The following IL1RAP variants were observed in gnomAD, a reference collection of about 807,000 sequenced individuals.
The protein encoded by IL1RAP is interleukin-1 receptor accessory protein.
In IL1RAP, 35 loss-of-function variants were observed where a neutral mutation model predicts 60.7. That is an observed-to-expected ratio of 0.58 (90% confidence interval 0.44 to 0.76). The LOEUF (loss-of-function observed/expected upper bound fraction) is 0.76. IL1RAP is among the 30% of genes least tolerant of loss of function. The pLI is 0.00. For missense variants in IL1RAP, 572 were observed against 693.9 expected (o/e 0.82, Z 1.97); for synonymous variants, 268 against 250.9 (o/e 1.07, Z -0.64).
intron 1 of IL1RAP, among the ~76,000 whole-genome samples, chr3:190,519,317 C>A (rs774727483): frequency 6.6e-6 from 1 of 152,120 alleles, no homozygotes; most frequent in African/African-American, 2.4e-5. Context: ...TCTGAACAAA[C>A]AAAGATGAGC....
chr3:190,554,659 A>G (rs548852005), intron 1 of IL1RAP: 102 of 152,210 alleles, frequency 6.7e-4, no homozygotes, highest in African/African-American at 2.4e-3. Context: ...TCAGCACAGG[A>G]CATGATAATT....
chr3:190,531,316 C>A (rs1722968631), intron 1 of IL1RAP, among the ~76,000 whole-genome samples: 1 of 152,138 alleles, frequency 6.6e-6, no homozygotes, highest in South Asian at 2.1e-4. Flanking sequence ...CTTTAAAGAT[C>A]TCTTTCCACC....
At chr3:190,587,919 C>T (rs1017735533) in intron 3 of IL1RAP, among the ~76,000 whole-genome samples, 3 of 152,130 alleles carry the variant, frequency 2.0e-5, no homozygotes, top group Non-Finnish European at 4.4e-5. Context: ...TCCTCTATAT[C>T]TGGGATCAAA....
At chr3:190,655,557 C>CTGTGTGTGTGTG (rs1734586545), downstream of IL1RAP, among the ~76,000 whole-genome samples, 1 of 102,532 alleles carries the variant, frequency 9.8e-6, no homozygotes, top group African/African-American at 3.8e-5. Flanking sequence ...CAATTGCCCA[C>CTGTGTGTGTGTG]CGTGTGTGTG....
Position 190,648,412 on chromosome 3 carries a change from C to T in IL1RAP, c.1420C>T (p.Leu474Phe), listed in dbSNP as rs2108865131. 6.2e-7 allele frequency: 1 copy of T among 1,613,994 alleles called. No individual in the cohort carries two copies. Among genetic ancestry groups the T allele is most frequent in the African/African-American group, 1.3e-5 (1 of 75,040 alleles). The change falls in exon 12 of 12, where the codon CTC becomes TTC. Residue 474 changes from leucine to phenylalanine, a missense_variant. Leu to Phe is a conservative substitution (Grantham distance 22, BLOSUM62 0). Coordinates refer to ENST00000447382, the MANE Select transcript of IL1RAP (RefSeq NM_002182.4). ...LLVVLSPNYV[L>F]QGTQALLELK... ...GGTTGTTCTAAGCCCCAACTACGTG[C>T]TCCAGGGAACCCAAGCCCTCCTGGA...
rs1734183222 is a variant in IL1RAP, at chr3:190,648,337, G to A, written c.1346-1G>A. 1 of 1,573,696 alleles carries A rather than the reference G, an allele frequency of 6.4e-7. No individual in the cohort carries two copies. Among genetic ancestry groups the A allele is most frequent in the Non-Finnish European group, 8.6e-7 (1 of 1,166,926 alleles). Reference sequence around the variant, plus strand: ...ATCCCCATGGTTGTTTTCTTTCCCAGTTGTCACAGATGAGACTTTGAGCTT... The same window carrying A: ...ATCCCCATGGTTGTTTTCTTTCCCAATTGTCACAGATGAGACTTTGAGCTT... On this transcript the variant is annotated splice_acceptor_variant, in intron 11 of 11. Coordinates refer to ENST00000447382, the MANE Select transcript of IL1RAP (RefSeq NM_002182.4). LOFTEE classifies it high-confidence loss of function.
chr3:190,591,078 G>A (rs1297600106), intron 3 of IL1RAP, among the ~76,000 whole-genome samples: 1 of 152,150 alleles, frequency 6.6e-6, no homozygotes, highest in African/African-American at 2.4e-5. Flanking sequence ...TTTGTCACAG[G>A]TGAATCTCCA....
intron 3 of IL1RAP, among the ~76,000 whole-genome samples, chr3:190,570,417 T>C (rs1421989503): frequency 1.3e-5 from 2 of 152,206 alleles, no homozygotes; most frequent in Non-Finnish European, 2.9e-5. Flanking sequence ...CCTTCTACCA[T>C]AGGAACCAAA....
intron 1 of IL1RAP, among the ~76,000 whole-genome samples, chr3:190,529,718 G>A (rs1283644974): frequency 6.6e-6 from 1 of 151,068 alleles, no homozygotes; most frequent in Non-Finnish European, 1.5e-5. Context: ...GCCGGGCGTG[G>A]TGGCAGTCAC....
At chr3:190,548,891 A>G (rs1292615720) in intron 1 of IL1RAP, among the ~76,000 whole-genome samples, 7 of 152,126 alleles carry the variant, frequency 4.6e-5, no homozygotes, top group Non-Finnish European at 8.8e-5. Context: ...TTGATTTGGG[A>G]ATTATGGCTT....
At chr3:190,648,313 T>C in intron 11 of IL1RAP, 25 bp from the exon 12 acceptor site, 1 of 1,549,924 alleles carries the variant, frequency 6.5e-7, no homozygotes, top group Non-Finnish European at 8.7e-7. Flanking sequence ...CCAACACTAA[T>C]CCCCATGGTT....
chr3:190,612,756 A>T (rs752579238), intron 5 of IL1RAP, among the ~76,000 whole-genome samples: 3 of 152,164 alleles, frequency 2.0e-5, no homozygotes, highest in Admixed American at 1.3e-4. Context: ...TATCACTTTC[A>T]CATTATCATA....
rs1734219551 is a variant in IL1RAP, at chr3:190,648,768, C to A, written c.*63C>A. The A allele has an allele frequency of 6.5e-7, 1 of 1,529,688 alleles. No homozygotes were observed. The highest frequency in any genetic ancestry group is 8.8e-7 in the Non-Finnish European group (1 of 1,142,600). The allele number at this position is 1,529,688 out of a possible 1,614,324, so 94.8% of individuals were successfully genotyped here. A position where few individuals can be genotyped will look rare whatever the true frequency, so the allele number is the denominator to read the frequency against. On this transcript the variant is annotated 3_prime_UTR_variant, in exon 12 of 12. Coordinates refer to ENST00000447382, the MANE Select transcript of IL1RAP (RefSeq NM_002182.4). ...TCCAGGAAGAAAGAGTCCCCCCAGT[C>A]TTCATTCGCAGTTTATGGTTTCATA... is the stretch of plus-strand genomic sequence containing the variant.
At chr3:190,577,225 A>ATTCAT (rs1487798155) in intron 3 of IL1RAP, among the ~76,000 whole-genome samples, 2 of 152,126 alleles carry the variant, frequency 1.3e-5, no homozygotes, top group Non-Finnish European at 2.9e-5. Context: ...AATATGATGG[A>ATTCAT]TTCATTTATG....
At chr3:190,569,447 A>G (rs1251256560) in intron 3 of IL1RAP, among the ~76,000 whole-genome samples, 2 of 152,154 alleles carry the variant, frequency 1.3e-5, no homozygotes, top group Admixed American at 6.5e-5. Flanking sequence ...CTTCATTTCT[A>G]TGTAATTTAG....
At position 190,609,195 on chromosome 3, in the gene IL1RAP, G is replaced by A. The variant is rs774444489; in HGVS notation, c.537+14G>A. ...ACTTGGTATATGGTAAGGAAAATTA[G>A]ACTACATTTTATTCTCTCTAATGGC... is the stretch of plus-strand genomic sequence containing the variant. On this transcript the variant is annotated intron_variant, in intron 5 of 11. Coordinates refer to ENST00000447382, the MANE Select transcript of IL1RAP (RefSeq NM_002182.4). The A allele has an allele frequency of 4.5e-6, 7 of 1,560,480 alleles. No homozygotes were observed. Among genetic ancestry groups the A allele is most frequent in the Admixed American group, 1.8e-5 (1 of 55,168 alleles).
chr3:190,585,351 C>T (rs541179847), intron 3 of IL1RAP, among the ~76,000 whole-genome samples: 6 of 152,256 alleles, frequency 3.9e-5, no homozygotes, highest in African/African-American at 9.6e-5. Context: ...CCCCTCAGCC[C>T]GTTTGCTGTA....
At chr3:190,554,996 T>C (rs1033000272) in intron 1 of IL1RAP, among the ~76,000 whole-genome samples, 1 of 152,196 alleles carries the variant, frequency 6.6e-6, no homozygotes, top group Admixed American at 6.5e-5. Context: ...TCTAACAGCT[T>C]GTAGAAAATG....
At chr3:190,647,586 A>G (rs990236721) in intron 11 of IL1RAP, among the ~76,000 whole-genome samples, 2 of 152,190 alleles carry the variant, frequency 1.3e-5, no homozygotes, top group African/African-American at 4.8e-5. Flanking sequence ...TAGACACATC[A>G]TCTAGCAGCT....
Sources: gnomAD v4.1 joint callset for allele counts (sites outside exome capture counted in the v4.1 genomes callset) on GRCh38, gnomAD v4.1.1 for gene constraint, MANE v1.5 for transcripts, NCBI Gene and HGNC (gene_info 2026-07-23, HGNC 2026-07-21) for gene names.